CPNE4: variants seen among roughly 807,000 people sequenced by gnomAD.
The protein encoded by CPNE4 is copine-4.
CPNE4 carries 25 observed loss-of-function variants against 67.9 expected under a neutral mutation model. The observed-to-expected ratio is 0.37, with a 90% CI of 0.27 to 0.51. The LOEUF is 0.51. Ranked by LOEUF, CPNE4 falls within the 20% of genes least tolerant of loss-of-function variation. The pLI is 0.93. For missense variants in CPNE4, 464 were observed against 690.8 expected (o/e 0.67, Z 3.68); for synonymous variants, 242 against 244.9 (o/e 0.99, Z 0.11).
At chr3:131,557,651 A>AGAT (rs768745236) in intron 11 of CPNE4, among the ~76,000 whole-genome samples, 2 of 152,082 alleles carry the variant, frequency 1.3e-5, no homozygotes, top group Non-Finnish European at 2.9e-5. Flanking sequence ...AGCAGGTATT[A>AGAT]GATAAGGTAT....
intron 2 of CPNE4, among the ~76,000 whole-genome samples, chr3:131,728,775 T>C (rs36060088): frequency 0.28 from 42,372 of 150,768 alleles, 6,097 homozygotes; most frequent in Middle Eastern, 0.33. Flanking sequence ...CCGGTCGTGG[T>C]GGCAGGCGCC....
At chr3:131,831,682 T>A (rs943261875) in intron 2 of CPNE4, among the ~76,000 whole-genome samples, 1 of 152,144 alleles carries the variant, frequency 6.6e-6, no homozygotes, top group Non-Finnish European at 1.5e-5. Context: ...ATAAAAAATT[T>A]TAAGGGATAA....
chr3:131,875,771 A>G lies in CPNE4; in HGVS notation c.180+29493T>C, dbSNP rs59724796. On this transcript the variant is annotated intron_variant, in intron 2 of 15. Coordinates refer to ENST00000429747, the MANE Select transcript of CPNE4 (RefSeq NM_130808.3). ...GGGTGCAGCAGCACACCAACATGGC[A>G]CATGTATACATATGTAACAAACCTG... Among the ~76,000 whole-genome samples, 1,061 of 152,294 alleles carry G rather than the reference A, an allele frequency of 7.0e-3. 15 individuals are homozygous for G. The highest frequency in any genetic ancestry group is 0.023 in the African/African-American group (960 of 41,556).
At chr3:131,586,726 ATCTGTCTGTCTGTCTGTCTGTCTG>A (rs3039201) in intron 8 of CPNE4, among the ~76,000 whole-genome samples, 2 of 129,598 alleles carry the variant, frequency 1.5e-5, no homozygotes, top group Non-Finnish European at 3.1e-5. Flanking sequence ...TTCTATCTCT[ATCTGTCTGTCTGTCTGTCTGTCTG>A]TCTGTCTGTC....
intron 7 of CPNE4, among the ~76,000 whole-genome samples, chr3:131,646,359 A>G (rs944483625): frequency 1.3e-5 from 2 of 152,156 alleles, no homozygotes; most frequent in Non-Finnish European, 2.9e-5. Flanking sequence ...TCCCCTACAT[A>G]TAGGGAAAAT....
intron 2 of CPNE4, among the ~76,000 whole-genome samples, chr3:131,732,926 A>G (rs1175223601): frequency 1.3e-5 from 2 of 152,224 alleles, no homozygotes; most frequent in African/African-American, 4.8e-5. Context: ...ACTTCCTGTT[A>G]GTGACAACAC....
In CPNE4 at chr3:131,542,672, G is replaced by A; in HGVS notation, c.1424C>T (p.Ala475Val). The A allele has an allele frequency of 3.7e-6, 6 of 1,614,058 alleles. No homozygotes were observed. Among genetic ancestry groups the A allele is most frequent in the Non-Finnish European group, 5.1e-6 (6 of 1,179,960 alleles). ...CAGCATCTGCATGTCACTGAAGTCA[G>A]CGTTCCCTACTCCCACGATGATGAC... The part of the protein sequence containing the change: ...MSVIIVGVGN[A>V]DFSDMQMLDG... Residue 475 changes from alanine (A) to valine (V), a missense_variant, in exon 15 of 16, where the codon GCT becomes GTT. By Grantham distance (64) the Ala-to-Val change is moderately conservative. Transcript: ENST00000429747.
intron 1 of CPNE4, among the ~76,000 whole-genome samples, chr3:132,019,567 A>G (rs9858085): frequency 0.69 from 104,558 of 152,056 alleles, 36,823 homozygotes; most frequent in Middle Eastern, 0.75. Context: ...CAATCATATA[A>G]TTTGTCCATT....
intron 2 of CPNE4, among the ~76,000 whole-genome samples, chr3:131,734,731 A>G (rs554382198): frequency 6.8e-4 from 104 of 152,150 alleles, no homozygotes; most frequent in Middle Eastern, 6.8e-3. Flanking sequence ...CTAGAAACAC[A>G]ATACAAAAAA....
intron 2 of CPNE4, among the ~76,000 whole-genome samples, chr3:131,883,949 T>C (rs1437605820): frequency 6.6e-6 from 1 of 152,032 alleles, no homozygotes. Context: ...TGCTTACTCA[T>C]TCAGATTTCT....
At chr3:131,926,904 C>T (rs910215978) in intron 1 of CPNE4, among the ~76,000 whole-genome samples, 10 of 151,816 alleles carry the variant, frequency 6.6e-5, no homozygotes, top group African/African-American at 2.4e-4. Flanking sequence ...ACAGCTTGGG[C>T]GAAGGAGTAG....
chr3:131,710,675 CG>C (rs1363252703), intron 3 of CPNE4, among the ~76,000 whole-genome samples: 1 of 152,132 alleles, frequency 6.6e-6, no homozygotes, highest in African/African-American at 2.4e-5. Context: ...ATTTATCAAG[CG>C]GGGCTTCACA....
intron 3 of CPNE4, 148 bp from the exon 4 acceptor site, chr3:131,700,128 A>G (rs2081261643): frequency 1.8e-6 from 1 of 546,390 alleles, no homozygotes; most frequent in Non-Finnish European, 3.1e-6. Flanking sequence ...GGGTTTGTCA[A>G]TGAGCCTCTC....
chr3:131,644,934 T>A (rs1356572804), intron 7 of CPNE4, among the ~76,000 whole-genome samples: 1 of 152,160 alleles, frequency 6.6e-6, no homozygotes, highest in African/African-American at 2.4e-5. Flanking sequence ...CAATAAAATT[T>A]TCAGATAAGG....
At chr3:131,852,117 A>G (rs2086263724) in intron 2 of CPNE4, among the ~76,000 whole-genome samples, 1 of 152,074 alleles carries the variant, frequency 6.6e-6, no homozygotes, top group Admixed American at 6.6e-5. Context: ...TTGTTCACTC[A>G]TACGTTTTAT....
intron 2 of CPNE4, among the ~76,000 whole-genome samples, chr3:131,743,914 G>A (rs2082414534): frequency 8.1e-6 from 1 of 123,378 alleles, no homozygotes; most frequent in South Asian, 2.7e-4. Flanking sequence ...AGTGAGCCGA[G>A]ATCGCGCCAC....
chr3:131,925,150 T>G (rs1406335917), intron 1 of CPNE4, among the ~76,000 whole-genome samples: 1 of 104,064 alleles, frequency 9.6e-6, no homozygotes, highest in African/African-American at 3.5e-5. Context: ...TCTCTCTTGT[T>G]CTCATATTCT....
At position 131,552,504 on chromosome 3, in the gene CPNE4, T is replaced by A. The variant is rs765303430; in HGVS notation, c.1117-13A>T. ...AGTCATGAGAGACCTAGACACCGAT[T>A]AAAATTTAAAAAACAGGAAGAAAGA... On this transcript the variant is annotated splice_polypyrimidine_tract_variant and intron_variant, in intron 12 of 15. Transcript: ENST00000429747. 5 of 1,608,214 alleles carry A rather than the reference T, an allele frequency of 3.1e-6. No individual in the cohort carries two copies. Among genetic ancestry groups the A allele is most frequent in the Middle Eastern group, 3.3e-4 (2 of 6,044 alleles).
At chr3:131,758,217 C>A (rs1246719053) in intron 2 of CPNE4, among the ~76,000 whole-genome samples, 1 of 152,118 alleles carries the variant, frequency 6.6e-6, no homozygotes, top group Admixed American at 6.6e-5. Flanking sequence ...TCAATGCCAG[C>A]CCATGAAAGC....
Sources: gnomAD v4.1 joint callset for allele counts (sites outside exome capture counted in the v4.1 genomes callset) on GRCh38, gnomAD v4.1.1 for gene constraint, MANE v1.5 for transcripts, NCBI Gene and HGNC (gene_info 2026-07-23, HGNC 2026-07-21) for gene names.